MAF: variants seen among roughly 807,000 people sequenced by gnomAD.
MAF encodes the protein MAF bZIP transcription factor, also known as transcription factor Maf.
In MAF, 10 loss-of-function variants were observed where a neutral mutation model predicts 22.0. The ratio of observed to expected loss-of-function variants is 0.45; its 90% CI spans 0.28 to 0.77. The LOEUF is 0.77. Ranked by LOEUF, MAF falls within the 30% of genes least tolerant of loss-of-function variation. MAF has a pLI of 0.12. For missense variants in MAF, 544 were observed against 548.4 expected, an observed-to-expected ratio of 0.99 and a Z score of 0.08; for synonymous variants, 337 against 255.8, an observed-to-expected ratio of 1.32 and a Z score of -3.03.
At chr16:79,379,727 G>T in the MAF span, among the ~76,000 whole-genome samples, 73 of 152,118 alleles carry the variant, frequency 4.8e-4, no homozygotes, top group African/African-American at 1.6e-3. Flanking sequence ...GGAGAGGGAG[G>T]GTGATGCAAG....
the MAF span, among the ~76,000 whole-genome samples, chr16:79,549,425 A>G: frequency 1.3e-5 from 2 of 152,226 alleles, no homozygotes; most frequent in African/African-American, 4.8e-5. Flanking sequence ...AAGCCACAAG[A>G]TACTGTCTGT....
chr16:79,435,643 G>A, the MAF span, among the ~76,000 whole-genome samples: 7 of 152,068 alleles, frequency 4.6e-5, no homozygotes, highest in African/African-American at 1.7e-4. Context: ...GGCAGTTTTA[G>A]TCCTCTTCTC....
chr16:79,433,277 AAT>A, the MAF span, among the ~76,000 whole-genome samples: 14,154 of 118,750 alleles, frequency 0.12, 734 homozygotes, highest in Admixed American at 0.16. Flanking sequence ...TAAAAAAAAA[AAT>A]ATATATATAT....
At chr16:79,552,022 A>G in the MAF span, among the ~76,000 whole-genome samples, 1 of 152,054 alleles carries the variant, frequency 6.6e-6, no homozygotes, top group Admixed American at 6.6e-5. Flanking sequence ...CTCCTTCAAA[A>G]TGTTTGGAGG....
chr16:79,552,219 T>C, the MAF span, among the ~76,000 whole-genome samples: 2 of 124,480 alleles, frequency 1.6e-5, no homozygotes, highest in Non-Finnish European at 3.8e-5. Flanking sequence ...TGCTCTCTCT[T>C]CTTTTTTTTT....
At chr16:79,369,940 A>C in the MAF span, among the ~76,000 whole-genome samples, 3 of 152,228 alleles carry the variant, frequency 2.0e-5, no homozygotes, top group African/African-American at 7.2e-5. Flanking sequence ...CTTCCCCCAC[A>C]GAGGGCCTCT....
At chr16:79,208,609 T>C in the MAF span, among the ~76,000 whole-genome samples, 2 of 148,466 alleles carry the variant, frequency 1.3e-5, no homozygotes, top group Non-Finnish European at 3.0e-5. Context: ...AGTCATCTGA[T>C]GGTGATTAAA....
the MAF span, among the ~76,000 whole-genome samples, chr16:79,564,979 C>A: frequency 6.6e-6 from 1 of 152,184 alleles, no homozygotes; most frequent in East Asian, 1.9e-4. Context: ...TTACACATGT[C>A]TTACATCTGA....
chr16:79,273,234 A>G, the MAF span, among the ~76,000 whole-genome samples: 5 of 152,162 alleles, frequency 3.3e-5, no homozygotes, highest in African/African-American at 9.6e-5. Context: ...CTGAGACACA[A>G]TGCAACCCAC....
the MAF span, among the ~76,000 whole-genome samples, chr16:79,372,655 T>C: frequency 3.3e-5 from 5 of 152,090 alleles, no homozygotes; most frequent in Admixed American, 3.3e-4. Context: ...CCCAGCAGGC[T>C]CCATCCGTGT....
chr16:79,563,590 A>G, the MAF span, among the ~76,000 whole-genome samples: 1 of 151,798 alleles, frequency 6.6e-6, no homozygotes, highest in African/African-American at 2.4e-5. Context: ...CTTTTGATTT[A>G]TGGCATTTAA....
the MAF span, among the ~76,000 whole-genome samples, chr16:79,414,766 G>A: frequency 1.1e-4 from 16 of 152,318 alleles, no homozygotes; most frequent in Admixed American, 9.8e-4. Flanking sequence ...AGGAAAAACT[G>A]TATTAGACTC....
chr16:79,412,108 C>T, the MAF span, among the ~76,000 whole-genome samples: 1 of 152,152 alleles, frequency 6.6e-6, no homozygotes, highest in African/African-American at 2.4e-5. Context: ...TGAGGATAGT[C>T]TCAGATGAAT....
At chr16:79,522,095 A>G in the MAF span, among the ~76,000 whole-genome samples, 36 of 152,254 alleles carry the variant, frequency 2.4e-4, no homozygotes, top group South Asian at 7.3e-3. Flanking sequence ...GGGGATAGAG[A>G]CAGCATCCTG....
At chr16:79,246,433 T>A in the MAF span, among the ~76,000 whole-genome samples, 1 of 150,972 alleles carries the variant, frequency 6.6e-6, no homozygotes, top group Admixed American at 6.7e-5. Context: ...GGGCCTTGAT[T>A]CTGAAAACAC....
the MAF span, among the ~76,000 whole-genome samples, chr16:79,513,712 C>T: frequency 2.0e-5 from 3 of 152,118 alleles, no homozygotes; most frequent in Non-Finnish European, 4.4e-5. Flanking sequence ...AGCTCATGAG[C>T]CTGCTGTGGG....
chr16:79,579,528 A>G, the MAF span, among the ~76,000 whole-genome samples: 1 of 152,186 alleles, frequency 6.6e-6, no homozygotes, highest in South Asian at 2.1e-4. Context: ...ATTATAAATT[A>G]CAAGTCACTT....
chr16:79,319,252 G>A, the MAF span, among the ~76,000 whole-genome samples: 1 of 152,096 alleles, frequency 6.6e-6, no homozygotes. Context: ...CTAAGCCCTC[G>A]AGAAAGAAAC....
At chr16:79,530,133 T>C in the MAF span, among the ~76,000 whole-genome samples, 2 of 152,192 alleles carry the variant, frequency 1.3e-5, no homozygotes, top group African/African-American at 4.8e-5. Context: ...CTACGTATTT[T>C]TGGAGTGTAC....
Sources: gnomAD v4.1 joint callset for allele counts (sites outside exome capture counted in the v4.1 genomes callset) on GRCh38, gnomAD v4.1.1 for gene constraint, MANE v1.5 for transcripts, NCBI Gene and HGNC (gene_info 2026-07-23, HGNC 2026-07-21) for gene names.